The following TPD52L2 variants were observed in gnomAD, a reference collection of about 807,000 sequenced individuals.
TPD52L2 encodes tumor protein D54.
A neutral mutation model predicts 24.7 loss-of-function variants in TPD52L2; 19 were observed. The ratio of observed to expected loss-of-function variants is 0.77; its 90% CI spans 0.54 to 1.13. The LOEUF (loss-of-function observed/expected upper bound fraction) is 1.13. TPD52L2 is among the 50% of genes most tolerant of loss of function. The pLI, the probability that TPD52L2 is intolerant of heterozygous loss-of-function variation, is 0.00. For synonymous variants in TPD52L2, 104 were observed against 100.2 expected, an observed-to-expected ratio of 1.04 and a Z score of -0.23; for missense variants, 236 against 250.4, an observed-to-expected ratio of 0.94 and a Z score of 0.39.
At chr20:63,882,214 A>G (rs1285965242) in intron 4 of TPD52L2, among the ~76,000 whole-genome samples, 2 of 152,248 alleles carry the variant, frequency 1.3e-5, no homozygotes, top group Non-Finnish European at 2.9e-5. Context: ...TCCCCTCAGC[A>G]CAGTCTCATT....
rs1368788248 is a variant in TPD52L2 at position 63,875,806 on chromosome 20, C to A, written c.315-10C>A. 6.2e-7 allele frequency: 1 copy of A among 1,613,900 alleles called. No homozygotes were observed. The highest frequency in any genetic ancestry group is 8.5e-7 in the Non-Finnish European group (1 of 1,179,820). On this transcript the variant is annotated splice_polypyrimidine_tract_variant and intron_variant, in intron 3 of 6. Coordinates refer to ENST00000346249, the MANE Select transcript of TPD52L2 (RefSeq NM_003288.4). The stretch of plus-strand genomic sequence containing the variant: ...TTCTAAATAATTCACTGTAGACTTT[C>A]TGTTTTTAGCTATGTGAAAACTTCT...
At chr20:63,876,053 G>T (rs1225130388) in intron 4 of TPD52L2, among the ~76,000 whole-genome samples, 178 bp downstream of exon 4, 2 of 152,132 alleles carry the variant, frequency 1.3e-5, no homozygotes, top group Non-Finnish European at 2.9e-5. Context: ...TGTGGAACAG[G>T]GAATAGTAGC....
chr20:63,882,771 G>T lies in TPD52L2; in HGVS notation c.427G>T (p.Ala143Ser). Residue 143 changes from alanine to serine, a missense_variant, in exon 5 of 7, where the codon GCC becomes TCC. By Grantham distance (99) the Ala-to-Ser change is moderately conservative. Coordinates refer to ENST00000346249, the MANE Select transcript of TPD52L2 (RefSeq NM_003288.4). ...LSQAGQKTSA[A>S]LSTVGSAISR... ...ACAGGCAGGACAGAAGACTTCAGCT[G>T]CCCTGTCCACAGTGGGCTCTGCCAT... The T allele has an allele frequency of 6.2e-7, 1 of 1,614,060 alleles. No homozygotes were observed.
intron 1 of TPD52L2, among the ~76,000 whole-genome samples, chr20:63,866,088 A>ATTTC (rs376658976): frequency 0.03 from 4,558 of 151,664 alleles, 179 homozygotes; most frequent in African/African-American, 0.092. Context: ...GGGATGCTAA[A>ATTTC]TTTCTTTCTT....
chr20:63,886,760 T>C, intron 5 of TPD52L2: 1 of 152,484 alleles, frequency 6.6e-6, no homozygotes, highest in Non-Finnish European at 1.5e-5. Context: ...TTCTCCTGCC[T>C]CAGGCTCCTG....
intron 5 of TPD52L2, chr20:63,886,169 C>A: frequency 1.1e-6 from 1 of 899,188 alleles, no homozygotes; most frequent in Non-Finnish European, 1.8e-6. Context: ...CCTTCCAGGA[C>A]AGCAGTGCCA....
chr20:63,881,006 C>T (rs2052874813), intron 4 of TPD52L2, among the ~76,000 whole-genome samples: 1 of 151,752 alleles, frequency 6.6e-6, no homozygotes, highest in South Asian at 2.1e-4. Context: ...GCCATGATTC[C>T]AGCTGCACGG....
chr20:63,883,496 A>G (rs1284615394), intron 5 of TPD52L2, among the ~76,000 whole-genome samples: 1 of 152,162 alleles, frequency 6.6e-6, no homozygotes, highest in East Asian at 1.9e-4. Flanking sequence ...TGGGCACCCC[A>G]GCTGGGCCTC....
rs766580777 is a variant in TPD52L2 at position 63,869,365 on chromosome 20, G to C, written c.89G>C (p.Gly30Ala). ...ATGACGGATGTTCCTGTCGACACAGGTGTGGCTGCCCGGACTCCTGCTGTT... is the reference window on the plus strand; with the variant it reads ...ATGACGGATGTTCCTGTCGACACAGCTGTGGCTGCCCGGACTCCTGCTGTT... The part of the protein sequence containing the change: ...DSMTDVPVDT[G>A]VAARTPAVEG... Residue 30 changes from glycine to alanine, a missense_variant, in exon 2 of 7, where the codon GGT (glycine) becomes GCT (alanine). Gly to Ala is a moderately conservative substitution (Grantham distance 60, BLOSUM62 0). Coordinates refer to ENST00000346249, the MANE Select transcript of TPD52L2 (RefSeq NM_003288.4). The C allele has an allele frequency of 2.5e-5, 41 of 1,614,124 alleles. No homozygotes were observed. Among genetic ancestry groups the C allele is most frequent in the Admixed American group, 1.2e-4 (7 of 60,004 alleles).
Position 63,877,276 on chromosome 20 carries a change from C to T in TPD52L2, c.374+1401C>T. On this transcript the variant is annotated intron_variant, in intron 4 of 6. Transcript: ENST00000346249. This position sits in a 1 kb window ranked among gnomAD's most constrained non-coding sequence, Gnocchi z 4.1. ...TCCTGACCTCGTGATCCGCCTGCCT[C>T]AGCCTCCCAAAGTGCTGGGACTACA... The T allele has an allele frequency of 6.3e-6, 2 of 315,504 alleles. No homozygotes were observed. The highest frequency in any genetic ancestry group is 6.1e-6 in the Non-Finnish European group (1 of 162,738). 19.5% of individuals were successfully genotyped at this position (315,504 alleles called of 1,614,324 possible).
intron 3 of TPD52L2, among the ~76,000 whole-genome samples, chr20:63,875,110 C>T (rs904323331): frequency 1.4e-4 from 21 of 150,492 alleles, no homozygotes; most frequent in Admixed American, 1.1e-3. Flanking sequence ...CCACTGCCCT[C>T]CAGCCTGGGT....
Position 63,865,393 on chromosome 20 carries a change from C to T in TPD52L2, c.19+9C>T, listed in dbSNP as rs778453662. The T allele has an allele frequency of 2.3e-5, 35 of 1,529,472 alleles. No homozygotes were observed. The highest frequency in any genetic ancestry group is 2.9e-5 in the Non-Finnish European group (33 of 1,143,546). 94.7% of individuals were successfully genotyped at this position (1,529,472 alleles called of 1,614,324 possible). ...GGACTCCGCCGGCCAAGGTACCTGC[C>T]GGGCCCGGCCCCTTCGCCGCAGATG... On this transcript the variant is annotated intron_variant, in intron 1 of 6. Coordinates refer to ENST00000346249, the MANE Select transcript of TPD52L2 (RefSeq NM_003288.4).
chr20:63,867,304 G>A (rs1274208111), intron 1 of TPD52L2, among the ~76,000 whole-genome samples: 2 of 152,144 alleles, frequency 1.3e-5, no homozygotes, highest in African/African-American at 2.4e-5. Flanking sequence ...GGTGGCTTAC[G>A]CCTGTAATTC....
At chr20:63,873,523 G>A in intron 2 of TPD52L2, 145 bp from the exon 3 acceptor site, 1 of 837,244 alleles carries the variant, frequency 1.2e-6, no homozygotes, top group Non-Finnish European at 1.8e-6. Flanking sequence ...AAAATCAGAT[G>A]TCTGCTGTAG....
In TPD52L2 at chr20:63,877,936, C is replaced by A. The variant is rs1456714920; in HGVS notation, c.374+2061C>A. Among the ~76,000 whole-genome samples, 1 of 152,246 alleles carries A rather than the reference C, an allele frequency of 6.6e-6. No individual in the cohort carries two copies. The highest frequency in any genetic ancestry group is 1.5e-5 in the Non-Finnish European group (1 of 68,038). ...ATGGTTTCTGGTGGGAAGGCCCAGG[C>A]CGAGGGCGATGGTTTCTGCCGGGAC... On this transcript the variant is annotated intron_variant, in intron 4 of 6. Coordinates refer to ENST00000346249, the MANE Select transcript of TPD52L2 (RefSeq NM_003288.4). This position sits in a 1 kb window ranked among gnomAD's most constrained non-coding sequence, Gnocchi z 4.1.
chr20:63,865,378 G>A lies in TPD52L2; in HGVS notation c.13G>A (p.Gly5Ser). ...ACGCCGCCCGAACATGGACTCCGCCGGCCAAGGTACCTGCCGGGCCCGGCC... is the reference window on the plus strand; with the variant it reads ...ACGCCGCCCGAACATGGACTCCGCCAGCCAAGGTACCTGCCGGGCCCGGCC... MDSA[G>S]QDINLNSPNK... is the part of the protein sequence containing the mutation. The change falls in exon 1 of 7, where the codon GGC becomes AGC. Residue 5 changes from glycine to serine, a missense_variant. Coordinates refer to ENST00000346249, the MANE Select transcript of TPD52L2 (RefSeq NM_003288.4). 1 of 1,530,066 alleles carries A rather than the reference G, an allele frequency of 6.5e-7. No individual in the cohort carries two copies. Among genetic ancestry groups the A allele is most frequent in the Non-Finnish European group, 8.7e-7 (1 of 1,143,986 alleles). 94.8% of individuals were successfully genotyped at this position (1,530,066 alleles called of 1,614,324 possible). A position where few individuals can be genotyped will look rare whatever the true frequency, so the allele number is the denominator to read the frequency against.
chr20:63,871,834 A>T (rs1445074000), intron 2 of TPD52L2, among the ~76,000 whole-genome samples: 3 of 151,486 alleles, frequency 2.0e-5, no homozygotes, highest in African/African-American at 7.3e-5. Context: ...GCCTTTCATC[A>T]TATTGGTCAG....
chr20:63,881,971 T>G (rs2052916071), intron 4 of TPD52L2, among the ~76,000 whole-genome samples: 1 of 152,200 alleles, frequency 6.6e-6, no homozygotes, highest in Non-Finnish European at 1.5e-5. Flanking sequence ...AGCTTTGCTT[T>G]GATGGGATGT....
chr20:63,890,276 A>G lies in TPD52L2; in HGVS notation c.*331A>G, dbSNP rs542185691. The stretch of plus-strand genomic sequence containing the variant: ...TTTGGGAATCATGTTAGCCCATCAG[A>G]ATGTTGAAGGATTGAAGAGTTCTAA... On this transcript the variant is annotated 3_prime_UTR_variant, in exon 7 of 7. Transcript: ENST00000346249. The G allele has an allele frequency of 8.7e-5, 41 of 470,552 alleles. No individual in the cohort carries two copies. In the South Asian group the frequency reaches 1.1e-3, roughly 13 times the overall value. The allele number at this position is 470,552 out of a possible 1,614,324, so 29.1% of individuals were successfully genotyped here.
Sources: gnomAD v4.1 joint callset for allele counts (sites outside exome capture counted in the v4.1 genomes callset) on GRCh38, gnomAD v4.1.1 for gene constraint, Gnocchi (gnomAD v3.1) non-coding constraint, MANE v1.5 for transcripts, NCBI Gene and HGNC (gene_info 2026-07-23, HGNC 2026-07-21) for gene names.